The following FBXW11 variants were observed in gnomAD, a reference collection of about 807,000 sequenced individuals.
FBXW11 encodes F-box and WD repeat domain containing 11.
FBXW11 carries 19 observed loss-of-function variants against 77.6 expected under a neutral mutation model. The observed-to-expected ratio is 0.24, with a 90% CI of 0.17 to 0.36. FBXW11 has a LOEUF of 0.36. FBXW11 is among the 10% of genes least tolerant of loss of function. The pLI, the probability that FBXW11 is intolerant of heterozygous loss-of-function variation, is 1.00. For synonymous variants in FBXW11, 235 were observed against 249.4 expected (o/e 0.94, Z 0.54); for missense variants, 334 against 704.2 (o/e 0.47, Z 5.95).
At chr5:171,961,932 C>T (rs1291179299) in intron 1 of FBXW11, among the ~76,000 whole-genome samples, 1 of 152,210 alleles carries the variant, frequency 6.6e-6, no homozygotes, top group Non-Finnish European at 1.5e-5. Flanking sequence ...AAGGCATGAG[C>T]CATGGCTCCT....
In FBXW11 at chr5:171,876,537, A is replaced by G. The variant is rs776121848; in HGVS notation, c.972-3T>C. 1 of 1,611,492 alleles carries G rather than the reference A, an allele frequency of 6.2e-7. No homozygotes were observed. The highest frequency in any genetic ancestry group is 1.1e-5 in the South Asian group (1 of 91,028). On this transcript the variant is annotated splice_polypyrimidine_tract_variant and splice_region_variant and intron_variant, in intron 8 of 13. Transcript: ENST00000517395. This position sits in a 1 kb window ranked among gnomAD's most constrained non-coding sequence, Gnocchi z 4.2. ...CACCCGTGTTCACATCCCACACTCT[A>G]GGAGAGAAGAGAAAAGCATGATGCT...
intron 4 of FBXW11, among the ~76,000 whole-genome samples, chr5:171,909,363 A>T (rs1442278675): frequency 6.6e-6 from 1 of 152,212 alleles, no homozygotes; most frequent in Non-Finnish European, 1.5e-5. Flanking sequence ...AAATAGGTGG[A>T]GCACAGTGAA....
rs1758759536 is a variant in FBXW11, at chr5:171,884,711, C to T, written c.853-6582G>A. Among the ~76,000 whole-genome samples, 3 of 152,306 alleles carry T rather than the reference C, an allele frequency of 2.0e-5. No homozygotes were observed. The South Asian group carries it at 6.2e-4, about 32-fold the overall frequency. On this transcript the variant is annotated intron_variant, in intron 7 of 13. Transcript: ENST00000517395. Reference sequence around the variant, plus strand: ...AATATTGATTCTACCCATCCATGAGCATGGGATGTGTTTCCATTTGTTCGT... The same window carrying T: ...AATATTGATTCTACCCATCCATGAGTATGGGATGTGTTTCCATTTGTTCGT...
At position 171,980,584 on chromosome 5, in the gene FBXW11, T is replaced by G. The variant is rs186894588; in HGVS notation, c.46-22886A>C. On this transcript the variant is annotated intron_variant, in intron 1 of 13. Transcript: ENST00000517395. Reference sequence around the variant, plus strand: ...CGTATCTCTAAAAAGGATATTCAAGTGGGCAATAGGCACATAGAAATGTAA... The same window carrying G: ...CGTATCTCTAAAAAGGATATTCAAGGGGGCAATAGGCACATAGAAATGTAA... Among the ~76,000 whole-genome samples the G allele has an allele frequency of 2.0e-5, 3 of 152,284 alleles. No homozygotes were observed. The East Asian group carries it at 5.8e-4, about 29-fold the overall frequency.
rs1209061366 is a variant in FBXW11 at position 172,006,120 on chromosome 5, T to C, written c.45+338A>G. ...CCGAAACAGAGGAAAGAAAAAAAAA[T>C]CCCTTTCTAAAAGAAGGAGAATGGG... On this transcript the variant is annotated intron_variant, in intron 1 of 13. Coordinates refer to ENST00000517395, the MANE Select transcript of FBXW11 (RefSeq NM_001378974.1). 2.6e-5 allele frequency among the ~76,000 whole-genome samples: 4 copies of C among 151,718 alleles called. No individual in the cohort carries two copies. In the East Asian group the frequency reaches 5.9e-4, roughly 22 times the overall value.
At chr5:171,999,609 A>G (rs1486002983) in intron 1 of FBXW11, among the ~76,000 whole-genome samples, 1 of 152,044 alleles carries the variant, frequency 6.6e-6, no homozygotes, top group Non-Finnish European at 1.5e-5. Flanking sequence ...GGGCCAAAAT[A>G]TATTTTATTG....
chr5:171,938,011 G>A (rs780499664), intron 2 of FBXW11, among the ~76,000 whole-genome samples: 12 of 152,064 alleles, frequency 7.9e-5, no homozygotes, highest in Non-Finnish European at 1.2e-4. Flanking sequence ...ATTGAGGGAA[G>A]TAAAAAAAAC....
chr5:171,984,603 T>C (rs1460274519), intron 1 of FBXW11, among the ~76,000 whole-genome samples: 2 of 152,198 alleles, frequency 1.3e-5, no homozygotes, highest in Non-Finnish European at 2.9e-5. Context: ...GATCATAATA[T>C]GGTATAATTT....
At chr5:171,942,844 A>T (rs908756527) in intron 2 of FBXW11, among the ~76,000 whole-genome samples, 1 of 152,092 alleles carries the variant, frequency 6.6e-6, no homozygotes, top group African/African-American at 2.4e-5. Flanking sequence ...AAATTTAATT[A>T]AAAATAAATT....
intron 1 of FBXW11, among the ~76,000 whole-genome samples, chr5:171,991,296 T>C (rs1765723275): frequency 6.6e-6 from 1 of 152,170 alleles, no homozygotes; most frequent in Admixed American, 6.5e-5. Flanking sequence ...GAAGTGAATA[T>C]GTAAGGTGAA....
intron 2 of FBXW11, among the ~76,000 whole-genome samples, chr5:171,930,728 AT>A (rs1186155205): frequency 2.8e-5 from 4 of 144,006 alleles, no homozygotes; most frequent in East Asian, 2.0e-4. Context: ...AATAAAAAAA[AT>A]AAATAAAAAA....
intron 2 of FBXW11, among the ~76,000 whole-genome samples, chr5:171,918,508 A>G (rs1761396655): frequency 1.3e-5 from 2 of 152,212 alleles, no homozygotes; most frequent in South Asian, 4.1e-4. Context: ...ATCCTCTTTA[A>G]GTCTCCAACA....
intron 2 of FBXW11, among the ~76,000 whole-genome samples, chr5:171,957,248 C>G (rs1763661507): frequency 6.6e-6 from 1 of 152,182 alleles, no homozygotes; most frequent in African/African-American, 2.4e-5. Context: ...ATGAAACCCT[C>G]CCAACTCAAC....
At chr5:171,941,389 C>T (rs894663052) in intron 2 of FBXW11, among the ~76,000 whole-genome samples, 2 of 151,898 alleles carry the variant, frequency 1.3e-5, no homozygotes, top group Admixed American at 6.6e-5. Context: ...CCAAATAACT[C>T]TTCCAGACTG....
intron 2 of FBXW11, among the ~76,000 whole-genome samples, chr5:171,952,375 T>C (rs1386850465): frequency 2.2e-5 from 3 of 136,012 alleles, no homozygotes; most frequent in South Asian, 2.6e-4. Flanking sequence ...CATATATACA[T>C]ACACATATAT....
chr5:171,945,231 A>G (rs1762947682), intron 2 of FBXW11, among the ~76,000 whole-genome samples: 1 of 152,258 alleles, frequency 6.6e-6, no homozygotes, highest in Non-Finnish European at 1.5e-5. Context: ...TGAAGAGGAG[A>G]TATCTGATCA....
intron 2 of FBXW11, among the ~76,000 whole-genome samples, chr5:171,937,823 G>A (rs759991330): frequency 6.9e-6 from 1 of 145,782 alleles, no homozygotes; most frequent in East Asian, 2.0e-4. Context: ...ATGAGACCTT[G>A]GCTCAAAAAA....
intron 1 of FBXW11, among the ~76,000 whole-genome samples, chr5:171,974,414 A>C (rs1243663189): frequency 6.6e-6 from 1 of 151,780 alleles, no homozygotes; most frequent in African/African-American, 2.4e-5. Flanking sequence ...ACCCTGGATG[A>C]CAGGAGCGAA....
intron 1 of FBXW11, among the ~76,000 whole-genome samples, chr5:171,997,237 GGATACAAAACTC>G (rs1766109560): frequency 6.6e-6 from 1 of 152,140 alleles, no homozygotes; most frequent in South Asian, 2.1e-4. Flanking sequence ...TGTGTTGAAA[GGATACAAAACTC>G]GTAACAAATA....
Sources: allele counts gnomAD v4.1 joint callset (sites outside exome capture counted in the v4.1 genomes callset), GRCh38; gene constraint gnomAD v4.1.1; non-coding constraint Gnocchi (gnomAD v3.1); transcripts MANE v1.5; gene names NCBI Gene and HGNC (gene_info 2026-07-23, HGNC 2026-07-21).